TMCO5A: variants seen among roughly 807,000 people sequenced by gnomAD.
TMCO5A encodes the protein transmembrane and coiled-coil domains 5A.
Under a neutral mutation model 42.3 loss-of-function variants are expected in TMCO5A, and 34 were observed. The observed-to-expected ratio is 0.80, with a 90% CI of 0.61 to 1.07. The LOEUF (loss-of-function observed/expected upper bound fraction) is 1.07. Among genes scored for constraint, TMCO5A ranks in the 50% least tolerant of loss-of-function variants. The pLI is 0.00. For synonymous variants in TMCO5A, 131 were observed against 115.6 expected, an observed-to-expected ratio of 1.13 and a Z score of -0.86; for missense variants, 357 against 327.9, an observed-to-expected ratio of 1.09 and a Z score of -0.69.
chr15:37,945,620 G>C (rs1196488943), intron 10 of TMCO5A, among the ~76,000 whole-genome samples: 2 of 152,068 alleles, frequency 1.3e-5, no homozygotes, highest in African/African-American at 2.4e-5. Flanking sequence ...TTTCTCTAAT[G>C]ATCAGTAATG....
At chr15:37,978,574 T>C in the TMCO5A span, among the ~76,000 whole-genome samples, 1 of 152,098 alleles carries the variant, frequency 6.6e-6, no homozygotes, top group African/African-American at 2.4e-5. Flanking sequence ...TTCCTTCCCC[T>C]GCCCAAGGGT....
the TMCO5A span, among the ~76,000 whole-genome samples, chr15:37,989,656 A>T: frequency 6.6e-6 from 1 of 151,996 alleles, no homozygotes; most frequent in Non-Finnish European, 1.5e-5. Flanking sequence ...AGGGAAGAGG[A>T]TCTCTTAATA....
chr15:38,031,085 T>C, the TMCO5A span, among the ~76,000 whole-genome samples: 141 of 152,252 alleles, frequency 9.3e-4, no homozygotes, highest in African/African-American at 3.2e-3. Context: ...TTGGCTGAAT[T>C]AGCATATAAA....
At chr15:38,033,544 T>C in the TMCO5A span, among the ~76,000 whole-genome samples, 1,425 of 148,984 alleles carry the variant, frequency 9.6e-3, 27 homozygotes, top group African/African-American at 0.035. Flanking sequence ...AAAAAGGCAC[T>C]ATATTTCTCC....
chr15:38,008,053 G>T, the TMCO5A span, among the ~76,000 whole-genome samples: 1 of 151,568 alleles, frequency 6.6e-6, no homozygotes, highest in African/African-American at 2.4e-5. Context: ...CTGCCACCAC[G>T]CCTGGCTAAT....
At chr15:37,968,526 T>C (rs1890609761), downstream of TMCO5A, among the ~76,000 whole-genome samples, 1 of 152,132 alleles carries the variant, frequency 6.6e-6, no homozygotes, top group African/African-American at 2.4e-5. Flanking sequence ...AAACCTGAGT[T>C]TTCTGAGCTG....
At chr15:37,958,325 T>G (rs1291607736) in intron 11 of TMCO5A, among the ~76,000 whole-genome samples, 4 of 152,038 alleles carry the variant, frequency 2.6e-5, no homozygotes, top group Non-Finnish European at 5.9e-5. Flanking sequence ...GGGAGAAAAT[T>G]TTTGCAATCT....
At chr15:37,956,612 C>CA (rs137926440) in intron 11 of TMCO5A, 156,749 of 165,242 alleles carry the variant, frequency 0.95, 74,910 homozygotes, top group East Asian at 1. Flanking sequence ...GCATACCAAC[C>CA]AAAAAAGTCC....
the TMCO5A span, among the ~76,000 whole-genome samples, chr15:37,977,333 G>C: frequency 1.3e-5 from 2 of 152,166 alleles, no homozygotes; most frequent in African/African-American, 4.8e-5. Flanking sequence ...GTTCTTATTT[G>C]TGTGGGTTAG....
intron 7 of TMCO5A, among the ~76,000 whole-genome samples, 161 bp from the exon 8 acceptor site, chr15:37,941,510 T>TA (rs1239460810): frequency 6.6e-6 from 1 of 151,782 alleles, no homozygotes; most frequent in Non-Finnish European, 1.5e-5. Flanking sequence ...TTTTTTACCC[T>TA]AAAAAAAGGA....
the TMCO5A span, among the ~76,000 whole-genome samples, chr15:37,988,847 A>G: frequency 1.3e-5 from 2 of 152,114 alleles, no homozygotes; most frequent in African/African-American, 4.8e-5. Context: ...GTATCAGGAC[A>G]ATGCTGGCCT....
chr15:38,019,262 G>A, the TMCO5A span, among the ~76,000 whole-genome samples: 1 of 152,102 alleles, frequency 6.6e-6, no homozygotes, highest in Non-Finnish European at 1.5e-5. Context: ...GACTAAAATA[G>A]AAGTTAATAA....
chr15:38,005,395 C>CAAAAA, the TMCO5A span, among the ~76,000 whole-genome samples: 3 of 44,024 alleles, frequency 6.8e-5, no homozygotes, highest in African/African-American at 1.7e-4. Flanking sequence ...CCATCTCTAC[C>CAAAAA]AAAAAAAAAA....
chr15:37,945,982 AG>A (rs1398794723), intron 10 of TMCO5A, among the ~76,000 whole-genome samples: 1 of 152,060 alleles, frequency 6.6e-6, no homozygotes, highest in Non-Finnish European at 1.5e-5. Flanking sequence ...ATTTTCTTCT[AG>A]GGTTTTTACT....
intron 5 of TMCO5A, 97 bp downstream of exon 5, chr15:37,937,493 G>A: frequency 7.6e-7 from 1 of 1,308,502 alleles, no homozygotes; most frequent in Non-Finnish European, 1.1e-6. Flanking sequence ...GAACCCATAA[G>A]TCAGAGAGGC....
At chr15:38,007,152 C>T in the TMCO5A span, among the ~76,000 whole-genome samples, 1 of 152,118 alleles carries the variant, frequency 6.6e-6, no homozygotes, top group Admixed American at 6.5e-5. Flanking sequence ...CTGAGTTTTG[C>T]CCATGAACCA....
At chr15:38,032,878 T>C in the TMCO5A span, among the ~76,000 whole-genome samples, 1 of 151,966 alleles carries the variant, frequency 6.6e-6, no homozygotes, top group African/African-American at 2.4e-5. Flanking sequence ...AGAGCTGTAA[T>C]AGTGGAAGTA....
chr15:37,949,346 A>G (rs746389689), intron 11 of TMCO5A, among the ~76,000 whole-genome samples: 1 of 152,170 alleles, frequency 6.6e-6, no homozygotes, highest in South Asian at 2.1e-4. Flanking sequence ...TGAATAAAAT[A>G]ATTCTAAAAT....
chr15:37,961,624 G>A (rs1006005376), intron 11 of TMCO5A, among the ~76,000 whole-genome samples: 1 of 151,994 alleles, frequency 6.6e-6, no homozygotes, highest in African/African-American at 2.4e-5. Context: ...GATTGCTTTT[G>A]GCAGTATGTC....
Sources: gnomAD v4.1 joint callset for allele counts (sites outside exome capture counted in the v4.1 genomes callset) on GRCh38, gnomAD v4.1.1 for gene constraint, MANE v1.5 for transcripts, NCBI Gene and HGNC (gene_info 2026-07-23, HGNC 2026-07-21) for gene names.